CDH9: variants seen among roughly 807,000 people sequenced by gnomAD.
CDH9 encodes the protein cadherin 9.
In CDH9, 28 loss-of-function variants were observed where a neutral mutation model predicts 70.9. That is an observed-to-expected ratio of 0.40 (90% CI 0.29 to 0.54). The LOEUF (loss-of-function observed/expected upper bound fraction) is 0.54. CDH9 is among the 20% of genes least tolerant of loss of function. The pLI is 0.59. For missense variants in CDH9, 874 were observed against 984.4 expected, an observed-to-expected ratio of 0.89 and a Z score of 1.50; for synonymous variants, 409 against 343.1, an observed-to-expected ratio of 1.19 and a Z score of -2.12.
At chr5:26,933,956 G>A (rs1214205921) in intron 2 of CDH9, among the ~76,000 whole-genome samples, 1 of 151,874 alleles carries the variant, frequency 6.6e-6, no homozygotes, top group East Asian at 1.9e-4. Context: ...CTGATCCCCA[G>A]TAATTTATAA....
intron 6 of CDH9, chr5:26,902,931 A>G (rs889212813): frequency 2.0e-6 from 1 of 494,752 alleles, no homozygotes; most frequent in African/African-American, 1.9e-5. Context: ...ACTTAATATA[A>G]TGGCATACAC....
Position 26,885,522 on chromosome 5 carries a change from T to A in CDH9, c.1882+92A>T. ...AAAGTGAAAATGTTCTATCTTTATC[T>A]ATAGAGAAAATTGTTATTCAGTGCA... is the stretch of plus-strand genomic sequence containing the variant. On this transcript the variant is annotated intron_variant, in intron 11 of 11. Coordinates refer to ENST00000231021, the MANE Select transcript of CDH9 (RefSeq NM_016279.4). 3.9e-6 allele frequency: 4 copies of A among 1,024,522 alleles called. No individual in the cohort carries two copies. The South Asian group carries it at 6.0e-5, about 15-fold the overall frequency. 63.5% of individuals were successfully genotyped at this position (1,024,522 alleles called of 1,614,324 possible).
At chr5:26,969,442 A>T (rs1742181087) in intron 2 of CDH9, among the ~76,000 whole-genome samples, 1 of 152,210 alleles carries the variant, frequency 6.6e-6, no homozygotes, top group African/African-American at 2.4e-5. Flanking sequence ...TGAAGCCAAA[A>T]ATCTGTTCAT....
At chr5:26,987,091 C>CTTTTTTTTT (rs201154706) in intron 2 of CDH9, among the ~76,000 whole-genome samples, 319 of 108,182 alleles carry the variant, frequency 2.9e-3, no homozygotes, top group East Asian at 5.9e-3. Context: ...CACTTGTATT[C>CTTTTTTTTT]TTTTTTTTTT....
chr5:27,008,390 T>A (rs1235964001), intron 1 of CDH9, among the ~76,000 whole-genome samples: 1 of 151,826 alleles, frequency 6.6e-6, no homozygotes, highest in East Asian at 1.9e-4. Flanking sequence ...CTTGAGAGGC[T>A]AAGTCATGAT....
intron 2 of CDH9, among the ~76,000 whole-genome samples, chr5:26,966,973 C>A (rs1742139657): frequency 6.6e-6 from 1 of 151,984 alleles, no homozygotes. Flanking sequence ...CACTCTGTTG[C>A]CCAGGCTGGA....
intron 2 of CDH9, among the ~76,000 whole-genome samples, chr5:26,986,079 G>GT (rs1742483371): frequency 6.6e-6 from 1 of 151,610 alleles, no homozygotes; most frequent in Non-Finnish European, 1.5e-5. Flanking sequence ...AAAAGAAAGA[G>GT]TTTTTTCTTT....
At chr5:26,917,778 G>A (rs1741173714) in intron 2 of CDH9, among the ~76,000 whole-genome samples, 1 of 151,752 alleles carries the variant, frequency 6.6e-6, no homozygotes, top group African/African-American at 2.4e-5. Flanking sequence ...CTCCACTCTT[G>A]CTCTACTCCA....
intron 2 of CDH9, among the ~76,000 whole-genome samples, chr5:26,960,347 C>T (rs79359543): frequency 0.012 from 1,847 of 152,028 alleles, 38 homozygotes; most frequent in African/African-American, 0.042. Flanking sequence ...CTCCCATATG[C>T]TGCTTCTAAA....
intron 7 of CDH9, among the ~76,000 whole-genome samples, chr5:26,901,536 C>T (rs1162898594): frequency 6.6e-6 from 1 of 151,772 alleles, no homozygotes; most frequent in Admixed American, 6.6e-5. Context: ...TATTAATATG[C>T]TATATGTAAA....
chr5:26,921,147 G>T (rs1290605986), intron 2 of CDH9, among the ~76,000 whole-genome samples: 3 of 152,010 alleles, frequency 2.0e-5, no homozygotes, highest in Non-Finnish European at 4.4e-5. Context: ...CCTGAGAAAA[G>T]AGAAGTCTGG....
At chr5:26,977,485 G>A (rs1820754) in intron 2 of CDH9, among the ~76,000 whole-genome samples, 5,050 of 68,602 alleles carry the variant, frequency 0.074, 99 homozygotes, top group Middle Eastern at 0.11. Context: ...GTGTGTGTGT[G>A]TATATATATA....
At chr5:26,917,542 ATTAT>A (rs1741170130) in intron 2 of CDH9, among the ~76,000 whole-genome samples, 2 of 152,038 alleles carry the variant, frequency 1.3e-5, no homozygotes, top group African/African-American at 2.4e-5. Flanking sequence ...TTATCTTTGA[ATTAT>A]TTGACTATTT....
intron 2 of CDH9, among the ~76,000 whole-genome samples, chr5:26,973,083 C>T (rs746671460): frequency 1.3e-5 from 2 of 151,964 alleles, no homozygotes; most frequent in Non-Finnish European, 2.9e-5. Context: ...AGGCTGGTCT[C>T]GAACTCCTGA....
chr5:27,007,969 A>G (rs1742895840), intron 1 of CDH9, among the ~76,000 whole-genome samples: 1 of 151,842 alleles, frequency 6.6e-6, no homozygotes, highest in South Asian at 2.1e-4. Context: ...ACAACTTTCA[A>G]AAAAAAAGAC....
chr5:26,940,384 GCTAT>G (rs1396560312), intron 2 of CDH9, among the ~76,000 whole-genome samples: 1 of 152,048 alleles, frequency 6.6e-6, no homozygotes, highest in African/African-American at 2.4e-5. Flanking sequence ...TTAAAAAGGA[GCTAT>G]CTATTTAAAA....
intron 2 of CDH9, among the ~76,000 whole-genome samples, chr5:26,945,645 A>G (rs1481396672): frequency 6.6e-6 from 1 of 152,182 alleles, no homozygotes. Flanking sequence ...AGTTCACAAT[A>G]AAAAAGTGCA....
chr5:26,982,161 T>C (rs1291610975), intron 2 of CDH9, among the ~76,000 whole-genome samples: 1 of 148,744 alleles, frequency 6.7e-6, no homozygotes, highest in African/African-American at 2.5e-5. Context: ...TGAGTGTATA[T>C]ATAAAGGTGG....
intron 2 of CDH9, among the ~76,000 whole-genome samples, chr5:26,944,766 T>TTC (rs70939785): frequency 0.99 from 150,135 of 152,252 alleles, 74,070 homozygotes; most frequent in Middle Eastern, 1. Context: ...AAATCCTGAT[T>TTC]TCTGTTTTTT....
Sources: gnomAD v4.1 joint callset for allele counts (sites outside exome capture counted in the v4.1 genomes callset) on GRCh38, gnomAD v4.1.1 for gene constraint, MANE v1.5 for transcripts, NCBI Gene and HGNC (gene_info 2026-07-23, HGNC 2026-07-21) for gene names.